TDG: variants seen among roughly 807,000 people sequenced by gnomAD.
TDG encodes thymine DNA glycosylase.
TDG carries 23 observed loss-of-function variants against 46.1 expected under a neutral mutation model. The ratio of observed to expected loss-of-function variants is 0.50; its 90% CI spans 0.36 to 0.71. TDG has a LOEUF of 0.71. Ranked by LOEUF, TDG falls within the 30% of genes least tolerant of loss-of-function variation. The probability of loss-of-function intolerance (pLI) is 0.00; values close to 1 mark genes in which losing one functional copy is unlikely to be tolerated. For synonymous variants in TDG, 115 were observed against 161.3 expected (o/e 0.71, Z 2.18); for missense variants, 304 against 486.7 (o/e 0.62, Z 3.53).
intron 1 of TDG, among the ~76,000 whole-genome samples, chr12:103,974,128 G>T (rs1456023266): frequency 1.3e-5 from 2 of 151,664 alleles, no homozygotes. Flanking sequence ...GGGGTGGTCT[G>T]TTATCCTTTG....
intron 1 of TDG, among the ~76,000 whole-genome samples, chr12:103,974,307 C>T (rs1416279478): frequency 6.6e-6 from 1 of 151,504 alleles, no homozygotes. Flanking sequence ...GGCAGAGTCT[C>T]GTTCTGTCCC....
intron 1 of TDG, among the ~76,000 whole-genome samples, chr12:103,966,584 A>G (rs1019766426): frequency 2.6e-5 from 4 of 152,190 alleles, no homozygotes; most frequent in African/African-American, 7.2e-5. Flanking sequence ...CGAGTAGTCA[A>G]TCTAAAAATG....
intron 1 of TDG, 146 bp downstream of exon 1, chr12:103,966,206 GCCTTT>G (rs777142433): frequency 1.4e-4 from 152 of 1,125,772 alleles, no homozygotes; most frequent in Non-Finnish European, 1.7e-4. Flanking sequence ...GGCCTGGTCG[GCCTTT>G]CCTTCCCTGG....
chr12:103,980,009 A>G lies in TDG; in HGVS notation c.345A>G (p.Ser115=). ...AAGTAGACCGTTTTAATGGTGTTTC[A>G]GAAGCTGAACTTCTGACCAAGACTC... ...KRKVDRFNGV[S]EAELLTKTLP... The change falls in exon 3 of 10, where the codon TCA becomes TCG. Residue 115 remains serine (S), a synonymous_variant. Transcript: ENST00000392872. 2 of 1,614,032 alleles carry G rather than the reference A, an allele frequency of 1.2e-6. No homozygotes were observed. Among genetic ancestry groups the G allele is most frequent in the Non-Finnish European group, 1.7e-6 (2 of 1,180,048 alleles).
intron 7 of TDG, 122 bp from the exon 8 acceptor site, chr12:103,984,627 A>G (rs953065081): frequency 6.2e-5 from 43 of 691,600 alleles, no homozygotes; most frequent in Non-Finnish European, 8.0e-5. Flanking sequence ...TGATTTTTAC[A>G]TATATTTATA....
chr12:103,976,131 G>A (rs1342500609), intron 1 of TDG, among the ~76,000 whole-genome samples: 1 of 152,032 alleles, frequency 6.6e-6, no homozygotes, highest in Non-Finnish European at 1.5e-5. Flanking sequence ...AGGCCTGGGT[G>A]CAGTGGCTCA....
chr12:103,984,390 T>A (rs543394981), intron 7 of TDG, among the ~76,000 whole-genome samples: 19 of 152,170 alleles, frequency 1.2e-4, no homozygotes, highest in Admixed American at 3.3e-4. Flanking sequence ...GGTTAGGAGT[T>A]CGAGACCAGC....
At chr12:103,979,487 A>G (rs1871711145) in intron 2 of TDG, among the ~76,000 whole-genome samples, 1 of 151,970 alleles carries the variant, frequency 6.6e-6, no homozygotes, top group South Asian at 2.1e-4. Flanking sequence ...TTATTTAATT[A>G]TTTATGTATT....
At chr12:103,971,044 A>C (rs1370977060) in intron 1 of TDG, among the ~76,000 whole-genome samples, 1 of 152,244 alleles carries the variant, frequency 6.6e-6, no homozygotes, top group African/African-American at 2.4e-5. Context: ...AAATAATGTA[A>C]AGATTATCTA....
In TDG at chr12:103,986,930, GT is replaced by G; in HGVS notation, c.1091-13del. 1 of 1,307,110 alleles carries G rather than the reference GT, an allele frequency of 7.7e-7. No homozygotes were observed. The highest frequency in any genetic ancestry group is 9.8e-7 in the Non-Finnish European group (1 of 1,020,598). 81.0% of individuals were successfully genotyped at this position (1,307,110 alleles called of 1,614,324 possible). A position where few individuals can be genotyped will look rare whatever the true frequency, so the allele number is the denominator to read the frequency against. On this transcript the variant is annotated splice_polypyrimidine_tract_variant and intron_variant, in intron 9 of 9. Coordinates refer to ENST00000392872, the MANE Select transcript of TDG (RefSeq NM_003211.6). ...TTTCTAAATGGCATAAACTAACTTT[GT>G]TTTTCTTTTCTGGCAGTTGAGAGCG...
chr12:103,986,551 A>AGCTGG (rs56774273), intron 9 of TDG: 137,572 of 153,318 alleles, frequency 0.9, 61,818 homozygotes, highest in East Asian at 1. Flanking sequence ...TACAAAAATT[A>AGCTGG]GCATGGTGGC....
intron 3 of TDG, chr12:103,980,293 T>C (rs1351000910): frequency 1.7e-6 from 1 of 579,650 alleles, no homozygotes; most frequent in Non-Finnish European, 2.9e-6. Context: ...ACAAGTATAA[T>C]CTTGGATAAG....
chr12:103,969,774 T>G (rs1479508835), intron 1 of TDG, among the ~76,000 whole-genome samples: 1 of 152,164 alleles, frequency 6.6e-6, no homozygotes, highest in Admixed American at 6.5e-5. Context: ...GTATAGCTAG[T>G]GTCATGGGTT....
intron 1 of TDG, among the ~76,000 whole-genome samples, chr12:103,968,246 C>T (rs1871145207): frequency 6.6e-6 from 1 of 151,922 alleles, no homozygotes; most frequent in South Asian, 2.1e-4. Context: ...TGACCTCAGG[C>T]GTGAAAAAGA....
intron 1 of TDG, chr12:103,973,082 A>G (rs971167213): frequency 3.0e-5 from 12 of 395,986 alleles, no homozygotes; most frequent in Non-Finnish European, 4.6e-5. Context: ...AACACGTTTC[A>G]TACATTTTTT....
chr12:103,986,298 G>A (rs1447851940), intron 9 of TDG: 2 of 152,212 alleles, frequency 1.3e-5, no homozygotes, highest in African/African-American at 4.8e-5. Flanking sequence ...AATGAGTCCT[G>A]TATCTGAAGA....
intron 5 of TDG, 77 bp from the exon 6 acceptor site, chr12:103,983,059 T>C (rs899726951): frequency 1.5e-5 from 23 of 1,552,662 alleles, no homozygotes; most frequent in African/African-American, 1.1e-4. Flanking sequence ...TGCTCTTTCA[T>C]TGAAAGCTGT....
intron 4 of TDG, among the ~76,000 whole-genome samples, chr12:103,981,869 CTGAG>C (rs1437154469): frequency 2.0e-5 from 3 of 152,148 alleles, no homozygotes; most frequent in Non-Finnish European, 4.4e-5. Flanking sequence ...AAAAAATTAG[CTGAG>C]TGCTGTGGTG....
At chr12:103,982,718 T>A in intron 4 of TDG, 81 bp from the exon 5 acceptor site, 1 of 1,470,934 alleles carries the variant, frequency 6.8e-7, no homozygotes, top group Non-Finnish European at 9.3e-7. Flanking sequence ...TGAGCCATGA[T>A]CGTGCCACTA....
Sources: allele counts gnomAD v4.1 joint callset (sites outside exome capture counted in the v4.1 genomes callset), GRCh38; gene constraint gnomAD v4.1.1; transcripts MANE v1.5; gene names NCBI Gene and HGNC (gene_info 2026-07-23, HGNC 2026-07-21).